Variants in ANKS1B observed in about 807,000 individuals in gnomAD.
ANKS1B encodes ankyrin repeat and sterile alpha motif domain-containing protein 1B.
Under a neutral mutation model 148.3 loss-of-function variants are expected in ANKS1B, and 36 were observed. The observed-to-expected ratio is 0.24, with a 90% CI of 0.19 to 0.32. The LOEUF is 0.32. Ranked by LOEUF, ANKS1B falls within the 10% of genes least tolerant of loss-of-function variation. The pLI is 1.00. For synonymous variants in ANKS1B, 542 were observed against 560.8 expected (o/e 0.97, Z 0.47); for missense variants, 1,157 against 1,542.6 (o/e 0.75, Z 4.19).
chr12:98,940,773 T>C (rs2099835486), intron 17 of ANKS1B, among the ~76,000 whole-genome samples: 1 of 152,180 alleles, frequency 6.6e-6, no homozygotes, highest in South Asian at 2.1e-4. Context: ...TATAAGAATG[T>C]TCTTTGGAAA....
intron 14 of ANKS1B, among the ~76,000 whole-genome samples, chr12:99,185,785 G>A (rs1190911407): frequency 3.3e-5 from 5 of 152,204 alleles, no homozygotes; most frequent in Non-Finnish European, 5.9e-5. Context: ...TGCCACAAGG[G>A]CCCTGGGTTT....
At chr12:99,449,752 C>T (rs12300381) in intron 10 of ANKS1B, among the ~76,000 whole-genome samples, 2,991 of 152,154 alleles carry the variant, frequency 0.02, 81 homozygotes, top group African/African-American at 0.053. Flanking sequence ...AGAGTACTTG[C>T]GTGATATTTG....
rs75951128 is a variant in ANKS1B at position 99,800,165 on chromosome 12, C to G, written c.669+6239G>C. Reference sequence around the variant, plus strand: ...GTTAAATTGGGTCATAAGGGTGTGGCCCTAATCCAATGGAACTGGTGTCCT... The same window carrying G: ...GTTAAATTGGGTCATAAGGGTGTGGGCCTAATCCAATGGAACTGGTGTCCT... On this transcript the variant is annotated intron_variant, in intron 4 of 26. Coordinates refer to ENST00000683438, the MANE Select transcript of ANKS1B (RefSeq NM_001352186.2). 6.2e-3 allele frequency among the ~76,000 whole-genome samples: 943 copies of G among 152,050 alleles called. 11 individuals carry two copies. Among genetic ancestry groups the G allele is most frequent in the African/African-American group, 0.022 (906 of 41,492 alleles).
chr12:99,259,355 A>G (rs1307984404), intron 12 of ANKS1B, among the ~76,000 whole-genome samples: 5 of 152,232 alleles, frequency 3.3e-5, no homozygotes, highest in Non-Finnish European at 7.3e-5. Context: ...TCTTCTAAGC[A>G]ACTTAAGACC....
At chr12:99,696,972 T>G (rs1038521551) in intron 8 of ANKS1B, among the ~76,000 whole-genome samples, 3 of 152,190 alleles carry the variant, frequency 2.0e-5, no homozygotes, top group Admixed American at 6.5e-5. Context: ...AATAATTGCA[T>G]GAAAAGATGC....
intron 8 of ANKS1B, among the ~76,000 whole-genome samples, chr12:99,701,420 G>A (rs1432403062): frequency 2.6e-5 from 4 of 151,962 alleles, no homozygotes; most frequent in African/African-American, 7.3e-5. Flanking sequence ...CATAGTAGGT[G>A]TATATATTTA....
chr12:99,841,344 A>T lies in ANKS1B; in HGVS notation c.135-15955T>A, dbSNP rs56965445. Among the ~76,000 whole-genome samples, 1,224 of 152,128 alleles carry T rather than the reference A, an allele frequency of 8.0e-3. 15 individuals carry two copies. Among genetic ancestry groups the T allele is most frequent in the African/African-American group, 0.028 (1,158 of 41,502 alleles). On this transcript the variant is annotated intron_variant, in intron 1 of 26. Transcript: ENST00000683438. ...TTAACATATTTAATGTCGGATGAGA[A>T]GCATCTCTACACTACTGGAAGTAAA...
At chr12:99,885,289 T>A (rs1482261938) in intron 1 of ANKS1B, among the ~76,000 whole-genome samples, 1 of 151,754 alleles carries the variant, frequency 6.6e-6, no homozygotes, top group African/African-American at 2.4e-5. Flanking sequence ...TGTACTCTTA[T>A]TTCATAACAC....
At chr12:99,243,201 C>A (rs1477494132) in intron 14 of ANKS1B, among the ~76,000 whole-genome samples, 3 of 152,148 alleles carry the variant, frequency 2.0e-5, no homozygotes, top group Non-Finnish European at 4.4e-5. Context: ...ATAATCCCAT[C>A]AAAAAGTGGG....
At chr12:99,252,652 C>G (rs2074756157) in intron 12 of ANKS1B, among the ~76,000 whole-genome samples, 1 of 152,120 alleles carries the variant, frequency 6.6e-6, no homozygotes, top group Admixed American at 6.6e-5. Context: ...AGCCATGGAA[C>G]CCAGAAATTG....
At chr12:98,882,770 T>A (rs912895987) in intron 17 of ANKS1B, among the ~76,000 whole-genome samples, 11 of 148,564 alleles carry the variant, frequency 7.4e-5, no homozygotes, top group African/African-American at 2.5e-4. Flanking sequence ...AAAAAAAAAA[T>A]TCCTTATTAT....
intron 8 of ANKS1B, among the ~76,000 whole-genome samples, chr12:99,722,147 G>T (rs986137452): frequency 6.6e-6 from 1 of 152,220 alleles, no homozygotes; most frequent in African/African-American, 2.4e-5. Flanking sequence ...GAAGCAGCAA[G>T]TGCTGATGGA....
intron 11 of ANKS1B, among the ~76,000 whole-genome samples, chr12:99,435,444 T>C (rs1267187257): frequency 1.3e-5 from 2 of 152,094 alleles, no homozygotes; most frequent in Non-Finnish European, 2.9e-5. Flanking sequence ...GTTGCCATGA[T>C]CAGAGCTACT....
intron 17 of ANKS1B, among the ~76,000 whole-genome samples, chr12:99,043,551 A>G (rs2099960446): frequency 6.6e-6 from 1 of 152,248 alleles, no homozygotes; most frequent in Non-Finnish European, 1.5e-5. Flanking sequence ...TTGTAAGCAA[A>G]GAATTTGTGT....
At chr12:99,471,396 G>A (rs1411668155) in intron 10 of ANKS1B, among the ~76,000 whole-genome samples, 8 of 151,906 alleles carry the variant, frequency 5.3e-5, no homozygotes, top group Admixed American at 5.3e-4. Flanking sequence ...AAAAAAATTA[G>A]ATGTCACAAA....
chr12:98,741,217 C>T (rs548928729), downstream of ANKS1B, among the ~76,000 whole-genome samples: 1 of 152,246 alleles, frequency 6.6e-6, no homozygotes, highest in African/African-American at 2.4e-5. Context: ...ATGTCACCGA[C>T]CCCTGAATCT....
intron 1 of ANKS1B, among the ~76,000 whole-genome samples, chr12:99,877,270 T>C (rs1026923874): frequency 2.0e-5 from 3 of 152,254 alleles, no homozygotes; most frequent in Non-Finnish European, 4.4e-5. Flanking sequence ...TTGATTGTTC[T>C]CTTCTACTCT....
chr12:99,974,627 T>A (rs1603565358), intron 1 of ANKS1B, among the ~76,000 whole-genome samples: 1 of 152,184 alleles, frequency 6.6e-6, no homozygotes, highest in East Asian at 2.0e-4. Context: ...ATCCCAGAAC[T>A]TTGGGAGGCC....
intron 11 of ANKS1B, among the ~76,000 whole-genome samples, chr12:99,437,893 C>G (rs2095487278): frequency 6.6e-6 from 1 of 151,920 alleles, no homozygotes. Context: ...ATCAGGGTAT[C>G]TTTTCCCACT....
Sources: gnomAD v4.1 joint callset for allele counts (sites outside exome capture counted in the v4.1 genomes callset) on GRCh38, gnomAD v4.1.1 for gene constraint, MANE v1.5 for transcripts, NCBI Gene and HGNC (gene_info 2026-07-23, HGNC 2026-07-21) for gene names.